MAN2A2: variants seen among roughly 807,000 people sequenced by gnomAD.
MAN2A2 encodes the protein alpha-mannosidase 2x.
A neutral mutation model predicts 126.8 loss-of-function variants in MAN2A2; 79 were observed. The ratio of observed to expected loss-of-function variants is 0.62; its 90% CI spans 0.52 to 0.75. The LOEUF is 0.75. MAN2A2 is among the 30% of genes least tolerant of loss of function. MAN2A2 has a pLI of 0.00. For missense variants in MAN2A2, 1,392 were observed against 1,522.4 expected, an observed-to-expected ratio of 0.91 and a Z score of 1.43; for synonymous variants, 671 against 618.7, an observed-to-expected ratio of 1.08 and a Z score of -1.25.
intron 21 of MAN2A2, 106 bp from the exon 22 acceptor site, chr15:90,918,539 C>A: frequency 8.3e-7 from 1 of 1,203,868 alleles, no homozygotes; most frequent in Non-Finnish European, 1.2e-6. Context: ...CCTTTCCTTA[C>A]CCACACGCCT....
Position 90,909,756 on chromosome 15 carries a change from A to G in MAN2A2, c.1374+252A>G, listed in dbSNP as rs367783191. Reference sequence around the variant, plus strand: ...GTAGCTGGGACTACAGGTGCCTGCCATCACACCCAGCTAATTTTTTGTAGT... The same window carrying G: ...GTAGCTGGGACTACAGGTGCCTGCCGTCACACCCAGCTAATTTTTTGTAGT... On this transcript the variant is annotated intron_variant, in intron 9 of 22. Coordinates refer to ENST00000559717, the MANE Select transcript of MAN2A2 (RefSeq NM_006122.4). 2.4e-3 allele frequency among the ~76,000 whole-genome samples: 362 copies of G among 152,260 alleles called. 2 individuals carry two copies. The highest frequency in any genetic ancestry group is 8.3e-3 in the African/African-American group (345 of 41,552).
chr15:90,918,504 C>A (rs551455832), intron 21 of MAN2A2, 116 bp downstream of exon 21: 1 of 1,321,144 alleles, frequency 7.6e-7, no homozygotes, highest in East Asian at 2.4e-5. Context: ...GTATTCGGCT[C>A]CAAACCTCCA....
chr15:90,913,731 C>A lies in MAN2A2; in HGVS notation c.2836C>A (p.Leu946Met). Reference protein sequence around the residue: ...KRLTLHTAQALGVSSLKDGQL... With the variant: ...KRLTLHTAQAMGVSSLKDGQL... ...CCTCACGCTGCACACTGCCCAGGCCCTGGGTGTCTCTAGCCTCAAAGATGG... is the reference window on the plus strand; with the variant it reads ...CCTCACGCTGCACACTGCCCAGGCCATGGGTGTCTCTAGCCTCAAAGATGG... Residue 946 changes from leucine to methionine, a missense_variant, in exon 19 of 23, where the codon CTG becomes ATG. Leu to Met is a conservative substitution (Grantham distance 15). Coordinates refer to ENST00000559717, the MANE Select transcript of MAN2A2 (RefSeq NM_006122.4). 2 of 1,598,702 alleles carry A rather than the reference C, an allele frequency of 1.3e-6. No individual in the cohort carries two copies. The highest frequency in any genetic ancestry group is 2.2e-5 in the East Asian group (1 of 44,448).
Position 90,911,404 on chromosome 15 carries a change from C to T in MAN2A2, c.1963C>T (p.Pro655Ser). The change falls in exon 14 of 23, where the codon CCA becomes TCA. Residue 655 changes from proline (P) to serine (S), a missense_variant. By Grantham distance (74) the Pro-to-Ser change is moderately conservative. Coordinates refer to ENST00000559717, the MANE Select transcript of MAN2A2 (RefSeq NM_006122.4). ...GCACAGGTTTGTGGTCCTATTCAAC[C>T]CACTGGAACAGGAGCGATTCAGCAT... Reference protein sequence around the residue: ...SSPRFVVLFNPLEQERFSMVS... With the variant: ...SSPRFVVLFNSLEQERFSMVS... 1 of 1,614,226 alleles carries T rather than the reference C, an allele frequency of 6.2e-7. No homozygotes were observed. Among genetic ancestry groups the T allele is most frequent in the Non-Finnish European group, 8.5e-7 (1 of 1,180,038 alleles).
In MAN2A2 at chr15:90,905,752, G is replaced by A. The variant is rs1301565471; in HGVS notation, c.535+29G>A. 7 of 1,611,252 alleles carry A rather than the reference G, an allele frequency of 4.3e-6. No homozygotes were observed. In the African/African-American group the frequency reaches 8.0e-5, roughly 18 times the overall value. Reference sequence around the variant, plus strand: ...AGGGCCCTGCAGACTCCTGGGAGCTGGAGTGTGGAGTGGGATTTCTGATGG... The same window carrying A: ...AGGGCCCTGCAGACTCCTGGGAGCTAGAGTGTGGAGTGGGATTTCTGATGG... On this transcript the variant is annotated intron_variant, in intron 4 of 22. Coordinates refer to ENST00000559717, the MANE Select transcript of MAN2A2 (RefSeq NM_006122.4).
At chr15:90,906,709 A>G in intron 6 of MAN2A2, 31 bp from the exon 7 acceptor site, 1 of 1,606,500 alleles carries the variant, frequency 6.2e-7, no homozygotes, top group Non-Finnish European at 8.5e-7. Flanking sequence ...AGGTGTGTTC[A>G]GGGCCTCTCT....
At chr15:90,902,788 C>CG (rs1036112848), upstream of MAN2A2, 18 of 144,294 alleles carry the variant, frequency 1.2e-4, no homozygotes, top group Non-Finnish European at 7.6e-5. Flanking sequence ...GCCGGCGCAG[C>CG]GGAGCGCGCC....
chr15:90,903,051 G>C (rs934880094), upstream of MAN2A2: 2 of 152,166 alleles, frequency 1.3e-5, no homozygotes, highest in African/African-American at 4.8e-5. Flanking sequence ...GGGAGTGCGA[G>C]CGCCACTGCG....
chr15:90,906,989 A>AC (rs952242747), intron 7 of MAN2A2, 76 bp downstream of exon 7: 18 of 1,539,192 alleles, frequency 1.2e-5, no homozygotes, highest in Non-Finnish European at 1.5e-5. Context: ...CAGAACTAAG[A>AC]CCCCCACTGT....
intron 20 of MAN2A2, 28 bp downstream of exon 20, chr15:90,916,284 G>A (rs2035173019): frequency 6.2e-7 from 1 of 1,609,180 alleles, no homozygotes; most frequent in Non-Finnish European, 8.5e-7. Context: ...CGCCCAGGGA[G>A]CCAGGTCTGG....
In MAN2A2 at chr15:90,904,352, T is replaced by C. The variant is rs1204709014; in HGVS notation, c.132+13T>C. On this transcript the variant is annotated intron_variant, in intron 2 of 22. Coordinates refer to ENST00000559717, the MANE Select transcript of MAN2A2 (RefSeq NM_006122.4). Reference sequence around the variant, plus strand: ...GAACTTCCCCCGGGTGAGTCGTGCCTGGTTGCTAATTTCTTTGTATACAAG... The same window carrying C: ...GAACTTCCCCCGGGTGAGTCGTGCCCGGTTGCTAATTTCTTTGTATACAAG... 5 of 1,611,320 alleles carry C rather than the reference T, an allele frequency of 3.1e-6. No individual in the cohort carries two copies. The highest frequency in any genetic ancestry group is 1.3e-5 in the African/African-American group (1 of 74,856).
chr15:90,916,344 A>C, intron 20 of MAN2A2, 88 bp downstream of exon 20: 1 of 1,494,660 alleles, frequency 6.7e-7, no homozygotes, highest in Non-Finnish European at 9.1e-7. Context: ...CGAGGAGCGT[A>C]GTTGGAGGTG....
intron 11 of MAN2A2, 72 bp downstream of exon 11, chr15:90,910,755 G>T (rs2034662657): frequency 2.5e-6 from 4 of 1,602,214 alleles, no homozygotes; most frequent in Non-Finnish European, 1.7e-6. Context: ...GGGTGGTCAG[G>T]GGGTAGGCCG....
chr15:90,904,454 A>C (rs1311918578), intron 2 of MAN2A2, 115 bp downstream of exon 2: 1 of 1,195,122 alleles, frequency 8.4e-7, no homozygotes, highest in Non-Finnish European at 1.1e-6. Context: ...ATGTCAGTAC[A>C]GGACAGGAGC....
At chr15:90,907,894 GA>G (rs1312044071) in intron 8 of MAN2A2, among the ~76,000 whole-genome samples, 1 of 152,166 alleles carries the variant, frequency 6.6e-6, no homozygotes, top group African/African-American at 2.4e-5. Context: ...CAGCCTCTGA[GA>G]AAACAGACCT....
Position 90,913,671 on chromosome 15 carries a change from C to T in MAN2A2, c.2776C>T (p.Pro926Ser), listed in dbSNP as rs2034951180. 10 of 1,611,502 alleles carry T rather than the reference C, an allele frequency of 6.2e-6. No individual in the cohort carries two copies. Among genetic ancestry groups the T allele is most frequent in the Non-Finnish European group, 8.5e-6 (10 of 1,178,900 alleles). ...LPLQANFYPM[P>S]VMAYIQDAQK... Reference sequence around the variant, plus strand: ...CCTCCAGGCCAACTTCTACCCCATGCCAGTCATGGCCTATATCCAGGACGC... The same window carrying T: ...CCTCCAGGCCAACTTCTACCCCATGTCAGTCATGGCCTATATCCAGGACGC... The change falls in exon 19 of 23, where the codon CCA becomes TCA. Residue 926 changes from proline (P) to serine (S), a missense_variant. Transcript: ENST00000559717.
chr15:90,913,362 A>G lies in MAN2A2; in HGVS notation c.2674A>G (p.Ile892Val), dbSNP rs1166195184. The G allele has an allele frequency of 3.7e-6, 6 of 1,605,226 alleles. No individual in the cohort carries two copies. The highest frequency in any genetic ancestry group is 5.1e-6 in the Non-Finnish European group (6 of 1,172,004). The change falls in exon 18 of 23, where the codon ATC (isoleucine) becomes GTC (valine). Residue 892 changes from isoleucine to valine, a missense_variant. Physicochemically the swap from Ile to Val is conservative, Grantham distance 29. Transcript: ENST00000559717. Reference protein sequence around the residue: ...KELALHIHTDIDSQGIFFTDL... With the variant: ...KELALHIHTDVDSQGIFFTDL... Reference sequence around the variant, plus strand: ...GCTGGCCCTGCACATCCATACAGACATCGACAGCCAGGGTATCTTCTTCAC... The same window carrying G: ...GCTGGCCCTGCACATCCATACAGACGTCGACAGCCAGGGTATCTTCTTCAC...
chr15:90,909,310 T>A lies in MAN2A2; in HGVS notation c.1197-17T>A, dbSNP rs1378496171. On this transcript the variant is annotated splice_polypyrimidine_tract_variant and intron_variant, in intron 8 of 22. Transcript: ENST00000559717. The stretch of plus-strand genomic sequence containing the variant: ...ATGAGACTTCGTGGTGGGCCCATGT[T>A]TTTTTTCCTGCCCCAGGGCAGCCCT... 1 of 1,595,912 alleles carries A rather than the reference T, an allele frequency of 6.3e-7. No homozygotes were observed. Among genetic ancestry groups the A allele is most frequent in the African/African-American group, 1.3e-5 (1 of 74,158 alleles).
intron 8 of MAN2A2, among the ~76,000 whole-genome samples, 165 bp from the exon 9 acceptor site, chr15:90,909,162 G>A (rs1488078913): frequency 1.3e-5 from 2 of 152,180 alleles, no homozygotes; most frequent in Non-Finnish European, 2.9e-5. Context: ...GAGAGCACCG[G>A]ACTCCCCTGG....
Sources: gnomAD v4.1 joint callset for allele counts (sites outside exome capture counted in the v4.1 genomes callset) on GRCh38, gnomAD v4.1.1 for gene constraint, MANE v1.5 for transcripts, NCBI Gene and HGNC (gene_info 2026-07-23, HGNC 2026-07-21) for gene names.